Variants in SEPTIN10 observed in about 807,000 individuals in gnomAD.
The protein encoded by SEPTIN10 is septin 10.
Under a neutral mutation model 54.8 loss-of-function variants are expected in SEPTIN10, and 66 were observed. The observed-to-expected ratio is 1.21, with a 90% CI of 0.99 to 1.48. SEPTIN10 has a LOEUF of 1.48. SEPTIN10 is among the 40% of genes most tolerant of loss of function. SEPTIN10 has a pLI of 0.00. For missense variants in SEPTIN10, 620 were observed against 545.6 expected (o/e 1.14, Z -1.36); for synonymous variants, 161 against 181.0 (o/e 0.89, Z 0.89).
chr2:109,593,025 G>A (rs1694433572), intron 2 of SEPTIN10, 26 bp downstream of exon 2: 1 of 1,477,442 alleles, frequency 6.8e-7, no homozygotes, highest in East Asian at 2.4e-5. Flanking sequence ...AGTACAATAT[G>A]GTATCTATTT....
At chr2:109,582,075 GACACAC>G (rs55880328) in intron 4 of SEPTIN10, among the ~76,000 whole-genome samples, 2,491 of 143,846 alleles carry the variant, frequency 0.017, 51 homozygotes, top group African/African-American at 0.044. Flanking sequence ...ATGTACAACA[GACACAC>G]ACACACACAC....
chr2:109,580,872 C>T lies in SEPTIN10; in HGVS notation c.413+4254G>A, dbSNP rs372504293. ...TCCCGGGCAGAGCGCAAAGACAGCA[C>T]AGCGCCTGGCCATTCACTGAGTTGA... On this transcript the variant is annotated intron_variant, in intron 4 of 10. Transcript: ENST00000397712. Among the ~76,000 whole-genome samples, 4 of 152,300 alleles carry T rather than the reference C, an allele frequency of 2.6e-5. No homozygotes were observed. The East Asian group carries it at 5.8e-4, about 22-fold the overall frequency.
At chr2:109,564,245 G>T in intron 8 of SEPTIN10, 121 bp downstream of exon 8, 1 of 889,370 alleles carries the variant, frequency 1.1e-6, no homozygotes, top group Non-Finnish European at 1.6e-6. Flanking sequence ...ATTACCAAAT[G>T]ATTCTATATC....
rs1363122380 is a variant in SEPTIN10 at position 109,543,207 on chromosome 2, A to G, written c.*1102T>C. The G allele has an allele frequency of 1.3e-5, 2 of 152,606 alleles. No homozygotes were observed. The highest frequency in any genetic ancestry group is 2.9e-5 in the Non-Finnish European group (2 of 68,014). 9.5% of individuals were successfully genotyped at this position (152,606 alleles called of 1,614,324 possible). Reference sequence around the variant, plus strand: ...TTCAGATGTTCATAGTTATTTTCTTAAAAAGTATTTTTAATAAAATGATTC... The same window carrying G: ...TTCAGATGTTCATAGTTATTTTCTTGAAAAGTATTTTTAATAAAATGATTC... On this transcript the variant is annotated 3_prime_UTR_variant, in exon 11 of 11. Coordinates refer to ENST00000397712, the MANE Select transcript of SEPTIN10 (RefSeq NM_144710.5).
chr2:109,574,462 A>C (rs1689138694), intron 5 of SEPTIN10, 119 bp downstream of exon 5: 2 of 640,656 alleles, frequency 3.1e-6, no homozygotes, highest in African/African-American at 3.8e-5. Context: ...AAAAAAAAAA[A>C]AAAATTTAAA....
chr2:109,562,673 C>T (rs758368723), intron 8 of SEPTIN10, among the ~76,000 whole-genome samples: 66 of 152,154 alleles, frequency 4.3e-4, no homozygotes, highest in Non-Finnish European at 7.9e-4. Flanking sequence ...TGTCCCTGCC[C>T]GCTCTTACTC....
chr2:109,613,391 C>T (rs1699705674), intron 1 of SEPTIN10: 6 of 326,784 alleles, frequency 1.8e-5, no homozygotes, highest in South Asian at 1.5e-4. Flanking sequence ...GGGCTTTCTC[C>T]CGGCGGCAGG....
intron 8 of SEPTIN10, among the ~76,000 whole-genome samples, chr2:109,561,473 T>G (rs951363963): frequency 6.6e-6 from 1 of 152,156 alleles, no homozygotes; most frequent in Non-Finnish European, 1.5e-5. Context: ...TGCAAAATAA[T>G]AGTAATCTCT....
intron 1 of SEPTIN10, among the ~76,000 whole-genome samples, chr2:109,602,114 T>C (rs867611733): frequency 6.6e-6 from 1 of 152,196 alleles, no homozygotes; most frequent in Non-Finnish European, 1.5e-5. Flanking sequence ...AGCGGCACAG[T>C]AACCCCTATC....
chr2:109,572,885 G>T lies in SEPTIN10; in HGVS notation c.600+1696C>A, dbSNP rs549772007. Among the ~76,000 whole-genome samples the T allele has an allele frequency of 1.6e-3, 244 of 152,192 alleles. 2 individuals are homozygous for T. Among genetic ancestry groups the T allele is most frequent in the South Asian group, 9.5e-3 (46 of 4,826 alleles). On this transcript the variant is annotated intron_variant, in intron 5 of 10. Coordinates refer to ENST00000397712, the MANE Select transcript of SEPTIN10 (RefSeq NM_144710.5). ...CTGCCTTGGCCTCCCAAAGTGCTGG[G>T]ATTACAGGCATGAGCAACCATGTCC...
intron 2 of SEPTIN10, among the ~76,000 whole-genome samples, chr2:109,589,855 T>C (rs1028947927): frequency 1.3e-5 from 2 of 152,062 alleles, no homozygotes; most frequent in Non-Finnish European, 2.9e-5. Context: ...AGATTCCAAA[T>C]ATCAAACAAG....
chr2:109,602,082 C>T (rs1337051360), intron 1 of SEPTIN10, among the ~76,000 whole-genome samples: 2 of 152,184 alleles, frequency 1.3e-5, no homozygotes, highest in Admixed American at 6.5e-5. Context: ...GCACTGAGCT[C>T]AGACCCTGGA....
chr2:109,555,815 C>G (rs1329014156), intron 8 of SEPTIN10, among the ~76,000 whole-genome samples: 3 of 152,188 alleles, frequency 2.0e-5, no homozygotes, highest in African/African-American at 7.2e-5. Flanking sequence ...GCAGGACGCT[C>G]TCTTCTTCTT....
chr2:109,556,531 A>C (rs1684411324), intron 8 of SEPTIN10, among the ~76,000 whole-genome samples: 1 of 152,186 alleles, frequency 6.6e-6, no homozygotes, highest in African/African-American at 2.4e-5. Flanking sequence ...ACAGATCCTA[A>C]ACACTTGCAG....
intron 1 of SEPTIN10, among the ~76,000 whole-genome samples, chr2:109,593,891 C>T (rs1387200248): frequency 2.6e-5 from 4 of 152,192 alleles, no homozygotes; most frequent in Non-Finnish European, 5.9e-5. Flanking sequence ...ACTCATATTA[C>T]ACGTCCATAT....
intron 8 of SEPTIN10, among the ~76,000 whole-genome samples, chr2:109,555,737 C>G (rs1191177864): frequency 6.6e-6 from 1 of 152,216 alleles, no homozygotes; most frequent in Admixed American, 6.5e-5. Flanking sequence ...CTCTTCCTCC[C>G]TGTTCTTTCT....
rs553042638 is a variant in SEPTIN10, at chr2:109,606,714, C to G, written c.30+7084G>C. Among the ~76,000 whole-genome samples the G allele has an allele frequency of 2.7e-5, 3 of 111,918 alleles. No individual in the cohort carries two copies. The Admixed American group carries it at 4.1e-4, about 15-fold the overall frequency. 73.4% of individuals were successfully genotyped at this position (111,918 alleles called of 152,430 possible). A position where few individuals can be genotyped will look rare whatever the true frequency, so the allele number is the denominator to read the frequency against. Reference sequence around the variant, plus strand: ...TTTTTTTTTGAGATGGAGTCTCACTCTGTCACTCAGGCTGGAGTGCAGTGG... The same window carrying G: ...TTTTTTTTTGAGATGGAGTCTCACTGTGTCACTCAGGCTGGAGTGCAGTGG... On this transcript the variant is annotated intron_variant, in intron 1 of 10. Coordinates refer to ENST00000397712, the MANE Select transcript of SEPTIN10 (RefSeq NM_144710.5).
At chr2:109,593,362 T>A (rs893986293) in intron 1 of SEPTIN10, among the ~76,000 whole-genome samples, 1 of 151,550 alleles carries the variant, frequency 6.6e-6, no homozygotes, top group Non-Finnish European at 1.5e-5. Context: ...CACAAAAAAA[T>A]TTTATGAAAT....
intron 4 of SEPTIN10, among the ~76,000 whole-genome samples, chr2:109,576,971 GA>G (rs1670930116): frequency 6.6e-6 from 1 of 152,066 alleles, no homozygotes; most frequent in Non-Finnish European, 1.5e-5. Flanking sequence ...ACACTATTCA[GA>G]GTCAAGAACT....
Sources: gnomAD v4.1 joint callset for allele counts (sites outside exome capture counted in the v4.1 genomes callset) on GRCh38, gnomAD v4.1.1 for gene constraint, MANE v1.5 for transcripts, NCBI Gene and HGNC (gene_info 2026-07-23, HGNC 2026-07-21) for gene names.